The following CPAMD8 variants were observed in gnomAD, a reference collection of about 807,000 sequenced individuals.
CPAMD8 encodes the protein C3 and PZP like alpha-2-macroglobulin domain containing 8.
A neutral mutation model predicts 224.7 loss-of-function variants in CPAMD8; 146 were observed. That is an observed-to-expected ratio of 0.65 (90% CI 0.57 to 0.75). The LOEUF (loss-of-function observed/expected upper bound fraction) is 0.75, where lower values mean the gene tolerates loss of function less well. Ranked by LOEUF, CPAMD8 falls within the 30% of genes least tolerant of loss-of-function variation. The pLI is 0.00. For synonymous variants in CPAMD8, 966 were observed against 1,044.6 expected (o/e 0.92, Z 1.45); for missense variants, 2,301 against 2,537.5 (o/e 0.91, Z 2.00).
At chr19:16,908,907 C>A (rs542972068) in intron 29 of CPAMD8, among the ~76,000 whole-genome samples, 133 of 152,232 alleles carry the variant, frequency 8.7e-4, no homozygotes, top group Non-Finnish European at 1.6e-3. Context: ...ATGGGAGTTA[C>A]CCCAGGTCAC....
At chr19:16,962,797 G>A (rs574092519) in intron 18 of CPAMD8, among the ~76,000 whole-genome samples, 1 of 147,308 alleles carries the variant, frequency 6.8e-6, no homozygotes, top group South Asian at 2.2e-4. Flanking sequence ...AGAGAGAAAG[G>A]TCGGGTTAAC....
At chr19:16,982,931 T>C (rs1446231861) in intron 13 of CPAMD8, among the ~76,000 whole-genome samples, 1 of 152,178 alleles carries the variant, frequency 6.6e-6, no homozygotes, top group Non-Finnish European at 1.5e-5. Flanking sequence ...GGGGACAGTT[T>C]CCCCAATACA....
chr19:16,935,577 A>G (rs969889218), intron 23 of CPAMD8, among the ~76,000 whole-genome samples: 3 of 152,188 alleles, frequency 2.0e-5, no homozygotes, highest in Non-Finnish European at 2.9e-5. Context: ...TTATGTATCA[A>G]TAGTTTGTCC....
chr19:17,000,529 CA>C lies in CPAMD8; in HGVS notation c.759-8del. ...AGGTTTCCCAAAGGTATACCTGGAA[CA>C]AAAGGATAAAGCATGCTCAATTTCA... On this transcript the variant is annotated splice_polypyrimidine_tract_variant and splice_region_variant and intron_variant, in intron 9 of 41. Coordinates refer to ENST00000443236, the MANE Select transcript of CPAMD8 (RefSeq NM_015692.5). 1 of 1,156,430 alleles carries C rather than the reference CA, an allele frequency of 8.6e-7. No individual in the cohort carries two copies. Among genetic ancestry groups the C allele is most frequent in the Non-Finnish European group, 1.3e-6 (1 of 761,010 alleles). 71.6% of individuals were successfully genotyped at this position (1,156,430 alleles called of 1,614,324 possible).
rs746232093 is a variant in CPAMD8, at chr19:16,928,133, G to A, written c.3246C>T (p.Gly1082=). 2 of 1,614,052 alleles carry A rather than the reference G, an allele frequency of 1.2e-6. No individual in the cohort carries two copies. The highest frequency in any genetic ancestry group is 8.5e-7 in the Non-Finnish European group (1 of 1,180,030). ...TCCAGATTCGGAATTCACCCATGGA[G>A]CCCCAGCCGGTGGAAAAGCCAATGA... The part of the protein sequence containing the change: ...VQFIGFSTGW[G]SMGEFRIWRK... The change falls in exon 25 of 42, where the codon GGC becomes GGT. Residue 1082 remains glycine (G), a synonymous_variant. Coordinates refer to ENST00000443236, the MANE Select transcript of CPAMD8 (RefSeq NM_015692.5).
Position 16,976,096 on chromosome 19 carries a change from C to G in CPAMD8, c.1814G>C (p.Arg605Pro). 1 of 1,612,900 alleles carries G rather than the reference C, an allele frequency of 6.2e-7. No individual in the cohort carries two copies. The highest frequency in any genetic ancestry group is 8.5e-7 in the Non-Finnish European group (1 of 1,179,240). The change falls in exon 16 of 42, where the codon CGG (arginine) becomes CCG (proline). Residue 605 changes from arginine to proline, a missense_variant. Arg to Pro is a moderately radical substitution (Grantham distance 103). Coordinates refer to ENST00000443236, the MANE Select transcript of CPAMD8 (RefSeq NM_015692.5). ...ETQPGEVVDLRIRAARGSCVC... is the reference protein window; with the variant it reads ...ETQPGEVVDLPIRAARGSCVC... ...ACAGCTGCCCCTTGCAGCCCTGATC[C>G]GCAGGTCGACAACCTCCCCAGGTTG...
chr19:16,896,729 C>G, intron 39 of CPAMD8, 64 bp from the exon 40 acceptor site: 2 of 1,191,660 alleles, frequency 1.7e-6, no homozygotes, highest in South Asian at 4.3e-5. Flanking sequence ...CCCACAGAAC[C>G]TGGGGGTGGG....
At chr19:16,956,305 G>T (rs566582808) in intron 19 of CPAMD8, among the ~76,000 whole-genome samples, 1 of 152,156 alleles carries the variant, frequency 6.6e-6, no homozygotes, top group Non-Finnish European at 1.5e-5. Flanking sequence ...TCCCTTTCTT[G>T]CTTATTCATA....
chr19:17,005,460 A>G (rs983472760), intron 7 of CPAMD8, among the ~76,000 whole-genome samples: 1 of 146,594 alleles, frequency 6.8e-6, no homozygotes, highest in African/African-American at 2.6e-5. Flanking sequence ...TCTCTCCCCA[A>G]ACATCCCCCC....
chr19:16,938,659 T>A (rs1053500230), intron 22 of CPAMD8, among the ~76,000 whole-genome samples: 1 of 152,130 alleles, frequency 6.6e-6, no homozygotes, highest in Non-Finnish European at 1.5e-5. Context: ...ATGGGGAAAC[T>A]GAGGCTGCTC....
intron 29 of CPAMD8, among the ~76,000 whole-genome samples, chr19:16,913,693 C>T (rs1300335662): frequency 6.6e-6 from 1 of 152,166 alleles, no homozygotes; most frequent in Non-Finnish European, 1.5e-5. Context: ...GCCCATAACA[C>T]AAGGCAAGGG....
Position 17,004,222 on chromosome 19 carries a change from A to G in CPAMD8, c.673+51T>C, listed in dbSNP as rs369732770. ...CACCCGGCCTTCTTCACCAGTTTCT[A>G]AGGTTTCTCCCAGATCTGAAATCCC... is the stretch of plus-strand genomic sequence containing the variant. On this transcript the variant is annotated intron_variant, in intron 8 of 41. Coordinates refer to ENST00000443236, the MANE Select transcript of CPAMD8 (RefSeq NM_015692.5). 71 of 1,311,910 alleles carry G rather than the reference A, an allele frequency of 5.4e-5. No homozygotes were observed. In the East Asian group the frequency reaches 1.2e-3, roughly 22 times the overall value. 81.3% of individuals were successfully genotyped at this position (1,311,910 alleles called of 1,614,324 possible).
At chr19:16,948,083 C>T (rs8103095) in intron 20 of CPAMD8, among the ~76,000 whole-genome samples, 65,432 of 151,950 alleles carry the variant, frequency 0.43, 14,431 homozygotes, top group African/African-American at 0.52. Flanking sequence ...AGGGTGTGTG[C>T]ATGTGCATTG....
intron 22 of CPAMD8, among the ~76,000 whole-genome samples, chr19:16,940,583 C>T (rs2053854514): frequency 6.6e-6 from 1 of 152,198 alleles, no homozygotes; most frequent in South Asian, 2.1e-4. Context: ...TCCTTACCTA[C>T]TTTCATTACA....
At chr19:17,002,164 G>A in intron 9 of CPAMD8, 102 bp downstream of exon 9, 4 of 748,410 alleles carry the variant, frequency 5.3e-6, no homozygotes, top group Non-Finnish European at 6.9e-6. Context: ...ATGTGGGAGG[G>A]AGGGAGGCAG....
At chr19:16,915,001 G>A (rs1208724167) in intron 27 of CPAMD8, among the ~76,000 whole-genome samples, 188 bp from the exon 28 acceptor site, 1 of 152,236 alleles carries the variant, frequency 6.6e-6, no homozygotes, top group Non-Finnish European at 1.5e-5. Context: ...CCAGCACCCA[G>A]TGGGGCTTGA....
At chr19:17,000,643 C>T in intron 9 of CPAMD8, 121 bp from the exon 10 acceptor site, 1 of 598,134 alleles carries the variant, frequency 1.7e-6, no homozygotes, top group Non-Finnish European at 3.1e-6. Flanking sequence ...CAGCTCCCTC[C>T]ACACCCTGCA....
intron 12 of CPAMD8, among the ~76,000 whole-genome samples, chr19:16,991,854 C>CAAA (rs201607210): frequency 7.6e-5 from 11 of 144,612 alleles, no homozygotes; most frequent in East Asian, 2.0e-4. Context: ...GACTCTGTAT[C>CAAA]AAAAAAAAAA....
At chr19:16,992,283 C>A (rs1187054000) in intron 12 of CPAMD8, among the ~76,000 whole-genome samples, 1 of 152,114 alleles carries the variant, frequency 6.6e-6, no homozygotes, top group African/African-American at 2.4e-5. Context: ...CTGGAGTGAT[C>A]ACTGGGTATC....
Sources: allele counts gnomAD v4.1 joint callset (sites outside exome capture counted in the v4.1 genomes callset), GRCh38; gene constraint gnomAD v4.1.1; transcripts MANE v1.5; gene names NCBI Gene and HGNC (gene_info 2026-07-23, HGNC 2026-07-21).